The following WWOX variants were observed in gnomAD, a reference collection of about 807,000 sequenced individuals.
WWOX encodes WW domain containing oxidoreductase.
In WWOX, 69 loss-of-function variants were observed where a neutral mutation model predicts 46.2. The observed-to-expected ratio is 1.49, with a 90% CI of 1.23 to 1.82. WWOX has a LOEUF of 1.82. Among genes scored for constraint, WWOX ranks in the 40% most tolerant of loss-of-function variants. The pLI is 0.00. For missense variants in WWOX, 919 were observed against 542.6 expected, an observed-to-expected ratio of 1.69 and a Z score of -6.89; for synonymous variants, 359 against 202.6, an observed-to-expected ratio of 1.77 and a Z score of -6.56.
chr16:78,528,438 G>A (rs2043536079), intron 8 of WWOX, among the ~76,000 whole-genome samples: 1 of 151,924 alleles, frequency 6.6e-6, no homozygotes, highest in Admixed American at 6.6e-5. Context: ...CGTATTCAAG[G>A]TGCTAATTAG....
At chr16:78,990,684 G>A (rs538525529) in intron 8 of WWOX, among the ~76,000 whole-genome samples, 189 of 152,178 alleles carry the variant, frequency 1.2e-3, no homozygotes, top group Non-Finnish European at 1.9e-3. Flanking sequence ...AGAGGGAGAA[G>A]CACATAGAGG....
At chr16:79,050,792 C>G (rs1039005106) in intron 8 of WWOX, among the ~76,000 whole-genome samples, 4 of 152,212 alleles carry the variant, frequency 2.6e-5, no homozygotes, top group Admixed American at 6.5e-5. Flanking sequence ...GTTGAAGGCC[C>G]AGAGCTTGCT....
At chr16:79,008,852 G>A (rs1347051943) in intron 8 of WWOX, among the ~76,000 whole-genome samples, 3 of 151,826 alleles carry the variant, frequency 2.0e-5, no homozygotes, top group Non-Finnish European at 4.4e-5. Context: ...CGATCAGGTG[G>A]CAGGGCCTTT....
intron 6 of WWOX, among the ~76,000 whole-genome samples, 175 bp from the exon 7 acceptor site, chr16:78,424,695 A>T (rs991497640): frequency 1.3e-5 from 2 of 152,152 alleles, no homozygotes; most frequent in South Asian, 2.1e-4. Flanking sequence ...AGGGTATCCT[A>T]TTTCTACATG....
At chr16:78,128,887 G>A (rs1384583259) in intron 4 of WWOX, among the ~76,000 whole-genome samples, 1 of 152,216 alleles carries the variant, frequency 6.6e-6, no homozygotes, top group Admixed American at 6.5e-5. Flanking sequence ...TATCAGCTGA[G>A]AGATCATCAG....
At chr16:79,005,218 C>T (rs1464250611) in intron 8 of WWOX, among the ~76,000 whole-genome samples, 1 of 152,074 alleles carries the variant, frequency 6.6e-6, no homozygotes, top group Non-Finnish European at 1.5e-5. Flanking sequence ...TTTGTAAGGC[C>T]ATCTCCACCC....
intron 5 of WWOX, among the ~76,000 whole-genome samples, chr16:78,264,016 G>GTTTTTTTTTTTTTTTTTT (rs1567466234): frequency 9.9e-6 from 1 of 100,962 alleles, no homozygotes; most frequent in Non-Finnish European, 1.9e-5. Context: ...TTTTTTTTTT[G>GTTTTTTTTTTTTTTTTTT]TTTTTTTGCT....
chr16:78,828,689 A>G (rs1301829831), intron 8 of WWOX, among the ~76,000 whole-genome samples: 3 of 152,146 alleles, frequency 2.0e-5, no homozygotes, highest in Admixed American at 6.5e-5. Flanking sequence ...GTGTGTGCCA[A>G]TTATGTGCAG....
rs989883259 is a variant in WWOX at position 78,340,673 on chromosome 16, G to T, written c.517-46187G>T. ...TGGACTATTTTTTGGGAAAACCACT[G>T]TGTTTGAATGTTTGCATGTGTCCTG... On this transcript the variant is annotated intron_variant, in intron 5 of 8. Coordinates refer to ENST00000566780, the MANE Select transcript of WWOX (RefSeq NM_016373.4). 2.5e-5 allele frequency among the ~76,000 whole-genome samples: 3 copies of T among 120,110 alleles called. 1 individual carries two copies. The highest frequency in any genetic ancestry group is 5.9e-5 in the Non-Finnish European group (3 of 50,444). The allele number at this position is 120,110 out of a possible 152,430, so 78.8% of individuals were successfully genotyped here. A position where few individuals can be genotyped will look rare whatever the true frequency, so the allele number is the denominator to read the frequency against.
At chr16:78,763,906 A>C (rs939473665) in intron 8 of WWOX, among the ~76,000 whole-genome samples, 4 of 152,278 alleles carry the variant, frequency 2.6e-5, no homozygotes, top group South Asian at 2.1e-4. Context: ...CCAATGCCCC[A>C]AAACCCTCTT....
chr16:78,411,788 G>C (rs2082686918), intron 6 of WWOX, among the ~76,000 whole-genome samples: 1 of 152,224 alleles, frequency 6.6e-6, no homozygotes, highest in African/African-American at 2.4e-5. Context: ...CTAGAAACAT[G>C]GAGTGACATG....
intron 8 of WWOX, among the ~76,000 whole-genome samples, chr16:79,161,447 G>A (rs1050635802): frequency 7.2e-5 from 11 of 152,180 alleles, no homozygotes; most frequent in African/African-American, 2.7e-4. Context: ...AGAGAGAGGA[G>A]GAGTAGGGGA....
chr16:78,939,578 T>C (rs922941199), intron 8 of WWOX, among the ~76,000 whole-genome samples: 2 of 152,246 alleles, frequency 1.3e-5, no homozygotes, highest in African/African-American at 2.4e-5. Flanking sequence ...GATTTTTGTA[T>C]ATGGCTACTG....
intron 8 of WWOX, among the ~76,000 whole-genome samples, chr16:78,497,860 A>AT (rs1211843937): frequency 1.6e-5 from 1 of 63,120 alleles, no homozygotes; most frequent in South Asian, 4.7e-4. Flanking sequence ...TGAGAATTAT[A>AT]AAAAAATTAA....
intron 8 of WWOX, among the ~76,000 whole-genome samples, chr16:78,581,463 C>T (rs1401329693): frequency 6.6e-6 from 1 of 152,194 alleles, no homozygotes; most frequent in Non-Finnish European, 1.5e-5. Flanking sequence ...CACTTCTAGG[C>T]CATCTCATTG....
At chr16:78,833,345 C>G (rs901152633) in intron 8 of WWOX, among the ~76,000 whole-genome samples, 10 of 151,956 alleles carry the variant, frequency 6.6e-5, no homozygotes, top group African/African-American at 2.2e-4. Context: ...TATACCAGTC[C>G]TCAACTTGCA....
chr16:79,136,732 C>G (rs1288078600), intron 8 of WWOX, among the ~76,000 whole-genome samples: 1 of 152,182 alleles, frequency 6.6e-6, no homozygotes, highest in Non-Finnish European at 1.5e-5. Context: ...GGCTAAGCCT[C>G]AGCTTCCTGA....
chr16:78,164,145 G>A (rs1220774456), intron 4 of WWOX, 38 bp from the exon 5 acceptor site: 1 of 1,582,240 alleles, frequency 6.3e-7, no homozygotes. Context: ...CTGTGTTGAT[G>A]TTATGTTTTC....
intron 5 of WWOX, among the ~76,000 whole-genome samples, chr16:78,268,900 C>T (rs1354896991): frequency 1.3e-5 from 2 of 151,966 alleles, no homozygotes; most frequent in Admixed American, 1.3e-4. Flanking sequence ...CCTTTCTATT[C>T]CTTCATCTAA....
Sources: allele counts gnomAD v4.1 joint callset (sites outside exome capture counted in the v4.1 genomes callset), GRCh38; gene constraint gnomAD v4.1.1; transcripts MANE v1.5; gene names NCBI Gene and HGNC (gene_info 2026-07-23, HGNC 2026-07-21).